PEBP4: variants seen among roughly 807,000 people sequenced by gnomAD.
PEBP4 encodes the protein phosphatidylethanolamine binding protein 4.
In PEBP4, 22 loss-of-function variants were observed where a neutral mutation model predicts 23.9. The observed-to-expected ratio is 0.92, with a 90% CI of 0.66 to 1.31. The LOEUF is 1.31. PEBP4 is among the 40% of genes most tolerant of loss of function. The pLI is 0.00. For synonymous variants in PEBP4, 112 were observed against 99.3 expected, an observed-to-expected ratio of 1.13 and a Z score of -0.76; for missense variants, 324 against 281.7, an observed-to-expected ratio of 1.15 and a Z score of -1.07.
chr8:22,794,781 T>C (rs2128757512), intron 4 of PEBP4, among the ~76,000 whole-genome samples: 1 of 152,338 alleles, frequency 6.6e-6, no homozygotes, highest in South Asian at 2.1e-4. Context: ...TGCAGGTACA[T>C]GTGAAGAGGT....
At chr8:22,810,094 C>T (rs960825168) in intron 4 of PEBP4, among the ~76,000 whole-genome samples, 1 of 152,220 alleles carries the variant, frequency 6.6e-6, no homozygotes, top group African/African-American at 2.4e-5. Context: ...GTCCTGATTC[C>T]GCCTGGTGGA....
At chr8:22,737,541 C>T (rs117101060) in intron 4 of PEBP4, among the ~76,000 whole-genome samples, 2,032 of 152,270 alleles carry the variant, frequency 0.013, 59 homozygotes, top group East Asian at 0.057. Context: ...CCCCACTCCC[C>T]CCGCCTTGGA....
chr8:22,826,443 A>G (rs1256719993), intron 3 of PEBP4, among the ~76,000 whole-genome samples: 4 of 152,246 alleles, frequency 2.6e-5, no homozygotes, highest in Non-Finnish European at 5.9e-5. Context: ...TGACTTGTAT[A>G]TAAGGTTATT....
At chr8:22,763,776 A>G (rs756551022) in intron 4 of PEBP4, among the ~76,000 whole-genome samples, 1 of 152,062 alleles carries the variant, frequency 6.6e-6, no homozygotes, top group East Asian at 1.9e-4. Context: ...TCCAAGAACT[A>G]CCATGGTTGT....
At chr8:22,793,188 T>G (rs1806175106) in intron 4 of PEBP4, among the ~76,000 whole-genome samples, 1 of 152,196 alleles carries the variant, frequency 6.6e-6, no homozygotes, top group South Asian at 2.1e-4. Flanking sequence ...CATTTGCTTT[T>G]TCTTTTCATG....
chr8:22,935,129 T>C (rs992462983), intron 1 of PEBP4, among the ~76,000 whole-genome samples: 6 of 152,094 alleles, frequency 3.9e-5, no homozygotes, highest in African/African-American at 9.7e-5. Flanking sequence ...AAGGATAGAA[T>C]TGAAGGGAAA....
In PEBP4 at chr8:22,727,218, G is replaced by A. The variant is rs970702297; in HGVS notation, c.360C>T (p.Gly120=). 2.5e-6 allele frequency: 4 copies of A among 1,613,566 alleles called. No individual in the cohort carries two copies. The highest frequency in any genetic ancestry group is 1.1e-5 in the South Asian group (1 of 90,890). ...WRHWLVTDIK[G]ADLKKGKIQG... ...GAATCTTCCCTTTCTTCAGGTCGGC[G>A]CCCTGAAAGAAGAGACAAGCAGGGC... Residue 120 remains glycine, a splice_region_variant and synonymous_variant, in exon 5 of 7, where the codon GGC becomes GGT. Transcript: ENST00000256404.
At chr8:22,831,521 C>T (rs949007017) in intron 3 of PEBP4, among the ~76,000 whole-genome samples, 1 of 152,174 alleles carries the variant, frequency 6.6e-6, no homozygotes, top group Non-Finnish European at 1.5e-5. Context: ...TTTTCATATA[C>T]TAAGCACCAT....
chr8:22,870,179 T>C (rs1427467131), intron 3 of PEBP4, among the ~76,000 whole-genome samples: 1 of 152,170 alleles, frequency 6.6e-6, no homozygotes, highest in Admixed American at 6.5e-5. Context: ...TTGCTAAAAC[T>C]TGGAAGCAAC....
At chr8:22,723,192 G>A (rs536548497) in intron 6 of PEBP4, among the ~76,000 whole-genome samples, 4 of 152,214 alleles carry the variant, frequency 2.6e-5, no homozygotes, top group East Asian at 1.9e-4. Context: ...CAAACAACGC[G>A]TTTCAGGCCC....
intron 3 of PEBP4, among the ~76,000 whole-genome samples, chr8:22,838,707 G>A (rs1467522671): frequency 2.0e-5 from 3 of 152,282 alleles, no homozygotes; most frequent in Admixed American, 1.3e-4. Flanking sequence ...TGCCAGGCCT[G>A]GCGCTGAGCT....
intron 4 of PEBP4, among the ~76,000 whole-genome samples, chr8:22,810,283 T>A (rs746502120): frequency 3.9e-5 from 6 of 152,190 alleles, no homozygotes; most frequent in South Asian, 4.1e-4. Flanking sequence ...ATGCTGGTCA[T>A]TATCCCTCTT....
intron 3 of PEBP4, among the ~76,000 whole-genome samples, chr8:22,849,052 T>TA (rs1369500666): frequency 1.3e-5 from 2 of 152,094 alleles, no homozygotes; most frequent in African/African-American, 4.8e-5. Context: ...TCTGTCCCCT[T>TA]GAGATCTTAA....
chr8:22,733,031 C>T (rs974186760), intron 4 of PEBP4, among the ~76,000 whole-genome samples: 2 of 152,186 alleles, frequency 1.3e-5, no homozygotes, highest in Admixed American at 1.3e-4. Flanking sequence ...GTGCTGGAAG[C>T]CAGGGGTCTA....
At chr8:22,738,759 T>C (rs1403819472) in intron 4 of PEBP4, among the ~76,000 whole-genome samples, 2 of 152,256 alleles carry the variant, frequency 1.3e-5, no homozygotes, top group African/African-American at 4.8e-5. Context: ...ACATGCATGT[T>C]CACACATGCT....
chr8:22,906,968 G>A (rs1808830381), intron 3 of PEBP4, among the ~76,000 whole-genome samples: 1 of 152,220 alleles, frequency 6.6e-6, no homozygotes, highest in African/African-American at 2.4e-5. Flanking sequence ...GAACACGAAG[G>A]AAAGAAGTTA....
chr8:22,727,057 T>A, intron 5 of PEBP4, 118 bp downstream of exon 5: 4 of 1,093,924 alleles, frequency 3.7e-6, no homozygotes, highest in Non-Finnish European at 5.5e-6. Flanking sequence ...AATCAGGGCA[T>A]CCAAGAAAAC....
intron 4 of PEBP4, chr8:22,755,678 T>G (rs1805365792): frequency 6.6e-6 from 1 of 152,208 alleles, no homozygotes; most frequent in African/African-American, 2.4e-5. Flanking sequence ...GTCATCATCA[T>G]CACCATCCAT....
At chr8:22,821,999 A>AG (rs11442314) in intron 3 of PEBP4, among the ~76,000 whole-genome samples, 1 of 150,734 alleles carries the variant, frequency 6.6e-6, no homozygotes, top group Admixed American at 6.6e-5. Flanking sequence ...AAAAAAAAAA[A>AG]GAGGCTGAGG....
Sources: allele counts gnomAD v4.1 joint callset (sites outside exome capture counted in the v4.1 genomes callset), GRCh38; gene constraint gnomAD v4.1.1; transcripts MANE v1.5; gene names NCBI Gene and HGNC (gene_info 2026-07-23, HGNC 2026-07-21).